The following ACOXL variants were observed in gnomAD, a reference collection of about 807,000 sequenced individuals.
ACOXL encodes the protein acyl-CoA oxidase like.
ACOXL carries 70 observed loss-of-function variants against 71.9 expected under a neutral mutation model. That is an observed-to-expected ratio of 0.97 (90% CI 0.80 to 1.19). ACOXL has a LOEUF of 1.19. Among genes scored for constraint, ACOXL ranks in the 50% most tolerant of loss-of-function variants. The pLI is 0.00. For missense variants in ACOXL, 703 were observed against 736.3 expected (o/e 0.95, Z 0.52); for synonymous variants, 253 against 281.6 (o/e 0.90, Z 1.02).
At chr2:111,117,051 TC>T (rs2070408411) in intron 17 of ACOXL, among the ~76,000 whole-genome samples, 1 of 152,198 alleles carries the variant, frequency 6.6e-6, no homozygotes, top group Non-Finnish European at 1.5e-5. Context: ...TGGTCCGCCG[TC>T]TCACTGTACT....
At chr2:111,115,738 C>T (rs1180156235) in intron 17 of ACOXL, 1 of 152,164 alleles carries the variant, frequency 6.6e-6, no homozygotes, top group Non-Finnish European at 1.5e-5. Context: ...TAAACTGCTC[C>T]AGAACTTTAG....
In ACOXL at chr2:110,917,998, A is replaced by T. The variant is rs188264112; in HGVS notation, c.905+9093A>T. ...TCATACTGCCCAAAGTAGTTTATAGATTCAATGCTATCCCTATCAAGCTAC... is the reference window on the plus strand; with the variant it reads ...TCATACTGCCCAAAGTAGTTTATAGTTTCAATGCTATCCCTATCAAGCTAC... On this transcript the variant is annotated intron_variant, in intron 11 of 17. Coordinates refer to ENST00000439055, the MANE Select transcript of ACOXL (RefSeq NM_001142807.4). Among the ~76,000 whole-genome samples the T allele has an allele frequency of 2.8e-3, 425 of 152,336 alleles. 1 individual carries two copies. The highest frequency in any genetic ancestry group is 0.014 in the Middle Eastern group (4 of 294).
chr2:110,930,817 T>G (rs1482607587), intron 11 of ACOXL, among the ~76,000 whole-genome samples: 1 of 152,234 alleles, frequency 6.6e-6, no homozygotes, highest in Non-Finnish European at 1.5e-5. Flanking sequence ...CCTGCCATCA[T>G]GCAAAATGTG....
intron 10 of ACOXL, among the ~76,000 whole-genome samples, chr2:110,871,606 T>A (rs1389545314): frequency 6.6e-6 from 1 of 152,074 alleles, no homozygotes; most frequent in Non-Finnish European, 1.5e-5. Context: ...GGGTCTTACA[T>A]CACTGCTACT....
intron 11 of ACOXL, among the ~76,000 whole-genome samples, chr2:110,920,898 T>C (rs2060042525): frequency 6.6e-6 from 1 of 152,208 alleles, no homozygotes; most frequent in Non-Finnish European, 1.5e-5. Context: ...ACTCATATTT[T>C]ACTATGTTGA....
chr2:110,913,899 G>A (rs569447650), intron 11 of ACOXL, among the ~76,000 whole-genome samples: 5 of 152,232 alleles, frequency 3.3e-5, no homozygotes, highest in East Asian at 1.9e-4. Context: ...CACCAAGCCT[G>A]GAGGAATCCA....
At position 110,979,583 on chromosome 2, in the gene ACOXL, G is replaced by A. The variant is rs943441582; in HGVS notation, c.1060-7525G>A. 8.5e-5 allele frequency among the ~76,000 whole-genome samples: 13 copies of A among 152,148 alleles called. No homozygotes were observed. In the East Asian group the frequency reaches 1.2e-3, roughly 14 times the overall value. ...TGCAGGAGTGGTGTGCTCCTGAGCT[G>A]GACTCCACTGGGCCAGTTACAGATG... On this transcript the variant is annotated intron_variant, in intron 12 of 17. Transcript: ENST00000439055.
intron 14 of ACOXL, among the ~76,000 whole-genome samples, chr2:111,030,330 C>T (rs2065205925): frequency 1.3e-5 from 2 of 152,198 alleles, no homozygotes; most frequent in African/African-American, 4.8e-5. Flanking sequence ...GCATCTGCCA[C>T]ACCCTTTCAG....
In ACOXL at chr2:110,757,348, C is replaced by T. The variant is rs1345215505; in HGVS notation, c.-22-11020C>T. On this transcript the variant is annotated intron_variant, in intron 1 of 17. Transcript: ENST00000439055. The stretch of plus-strand genomic sequence containing the variant: ...CATGTCTTTGCTAATGTAAATAGTG[C>T]TGCAGTGAACATATGCATGCATGTA... Among the ~76,000 whole-genome samples the T allele has an allele frequency of 3.9e-5, 6 of 152,244 alleles. No homozygotes were observed. The East Asian group carries it at 1.2e-3, about 29-fold the overall frequency.
At chr2:110,785,935 T>A (rs1291896226) in intron 3 of ACOXL, among the ~76,000 whole-genome samples, 2 of 152,234 alleles carry the variant, frequency 1.3e-5, no homozygotes, top group African/African-American at 4.8e-5. Flanking sequence ...ATACTTGGAA[T>A]TCTTAGACTT....
chr2:110,803,574 G>C (rs1686257982), intron 8 of ACOXL, among the ~76,000 whole-genome samples: 1 of 152,106 alleles, frequency 6.6e-6, no homozygotes, highest in Non-Finnish European at 1.5e-5. Context: ...AATCTTAGAA[G>C]AAAACACAGG....
intron 12 of ACOXL, among the ~76,000 whole-genome samples, chr2:110,941,356 C>T (rs956672744): frequency 2.0e-5 from 3 of 152,160 alleles, no homozygotes; most frequent in African/African-American, 7.2e-5. Context: ...AAAAAATGGA[C>T]AATATATGTA....
At chr2:110,951,137 C>T (rs767432506) in intron 12 of ACOXL, among the ~76,000 whole-genome samples, 4 of 152,162 alleles carry the variant, frequency 2.6e-5, no homozygotes, top group African/African-American at 4.8e-5. Flanking sequence ...GTGTTATGAA[C>T]GTGCCAGCGG....
intron 14 of ACOXL, among the ~76,000 whole-genome samples, chr2:110,997,812 C>T (rs575022636): frequency 2.6e-5 from 4 of 152,246 alleles, no homozygotes; most frequent in East Asian, 1.9e-4. Flanking sequence ...TCCAGCACTT[C>T]GGGAGGCCAG....
chr2:110,735,083 T>C (rs1676664407), intron 1 of ACOXL, among the ~76,000 whole-genome samples: 1 of 152,198 alleles, frequency 6.6e-6, no homozygotes, highest in Admixed American at 6.5e-5. Flanking sequence ...TTCCAGTTCT[T>C]GTTTATTTAC....
At chr2:110,954,951 C>T (rs774533840) in intron 12 of ACOXL, among the ~76,000 whole-genome samples, 52 of 152,268 alleles carry the variant, frequency 3.4e-4, no homozygotes, top group Non-Finnish European at 6.3e-4. Flanking sequence ...TCTGGATTTC[C>T]TTATTGCTGA....
intron 12 of ACOXL, among the ~76,000 whole-genome samples, chr2:110,950,522 TG>T (rs1470298826): frequency 2.6e-5 from 4 of 152,180 alleles, no homozygotes; most frequent in African/African-American, 9.7e-5. Context: ...TGGACAGAAC[TG>T]GCATAGATCC....
chr2:110,940,079 GAC>G (rs2060812521), intron 12 of ACOXL, among the ~76,000 whole-genome samples: 1 of 152,166 alleles, frequency 6.6e-6, no homozygotes, highest in South Asian at 2.1e-4. Context: ...TATTTACAAA[GAC>G]ACATGTATGA....
intron 2 of ACOXL, among the ~76,000 whole-genome samples, chr2:110,773,996 A>AT (rs1286928078): frequency 1.3e-5 from 2 of 152,178 alleles, no homozygotes; most frequent in African/African-American, 4.8e-5. Flanking sequence ...TGCAGCTGGA[A>AT]TCATGGTGCT....
Sources: gnomAD v4.1 joint callset for allele counts (sites outside exome capture counted in the v4.1 genomes callset) on GRCh38, gnomAD v4.1.1 for gene constraint, MANE v1.5 for transcripts, NCBI Gene and HGNC (gene_info 2026-07-23, HGNC 2026-07-21) for gene names.